Variants in TMUB1 observed in about 807,000 individuals in gnomAD.
The protein encoded by TMUB1 is transmembrane and ubiquitin-like domain-containing protein 1.
Under a neutral mutation model 16.2 loss-of-function variants are expected in TMUB1, and 9 were observed. That is an observed-to-expected ratio of 0.55 (90% CI 0.33 to 0.97). The LOEUF (loss-of-function observed/expected upper bound fraction) is 0.97, where lower values mean the gene tolerates loss of function less well. Ranked by LOEUF, TMUB1 falls within the 50% of genes least tolerant of loss-of-function variation. The probability of loss-of-function intolerance (pLI) is 0.03; values close to 1 mark genes in which losing one functional copy is unlikely to be tolerated. For missense variants in TMUB1, 309 were observed against 313.5 expected (o/e 0.99, Z 0.11); for synonymous variants, 155 against 152.2 (o/e 1.02, Z -0.13).
At position 151,082,172 on chromosome 7, in the gene TMUB1, TA is replaced by T; in HGVS notation, c.389+2del. On this transcript the variant is annotated splice_donor_variant, in intron 2 of 2. Transcript: ENST00000297533. LOFTEE classifies it high-confidence loss of function. This position sits in a 1 kb window ranked among gnomAD's most constrained non-coding sequence, Gnocchi z 7.0. ...CATTGCTCCTGCCTCTTGACCTACT[TA>T]CCTTTTCAAGGAGCCAATGGTGTCG... 2.0e-6 allele frequency: 3 copies of T among 1,505,800 alleles called. No homozygotes were observed. Among genetic ancestry groups the T allele is most frequent in the Non-Finnish European group, 2.7e-6 (3 of 1,126,424 alleles). 93.3% of individuals were successfully genotyped at this position (1,505,800 alleles called of 1,614,324 possible). A position where few individuals can be genotyped will look rare whatever the true frequency, so the allele number is the denominator to read the frequency against.
In TMUB1 at chr7:151,081,983, C is replaced by T. The variant is rs1305902043; in HGVS notation, c.390-83G>A. The T allele has an allele frequency of 9.9e-6, 14 of 1,419,156 alleles. No homozygotes were observed. The highest frequency in any genetic ancestry group is 1.2e-5 in the Non-Finnish European group (13 of 1,069,750). 87.9% of individuals were successfully genotyped at this position (1,419,156 alleles called of 1,614,324 possible). ...CCCGGAACAGCACTCCCACCCTCCC[C>T]CTGCCCTCCACAACACACCGGCCCT... On this transcript the variant is annotated intron_variant, in intron 2 of 2. Transcript: ENST00000297533. This position sits in a 1 kb window ranked among gnomAD's most constrained non-coding sequence, Gnocchi z 7.6.
rs1798029259 is a variant in TMUB1, at chr7:151,082,634, G to T, written c.-30-41C>A. The T allele has an allele frequency of 7.0e-7, 1 of 1,431,910 alleles. No individual in the cohort carries two copies. The highest frequency in any genetic ancestry group is 1.6e-5 in the South Asian group (1 of 64,000). 88.7% of individuals were successfully genotyped at this position (1,431,910 alleles called of 1,614,324 possible). On this transcript the variant is annotated intron_variant, in intron 1 of 2. Coordinates refer to ENST00000297533, the MANE Select transcript of TMUB1 (RefSeq NM_001136044.2). This position sits in a 1 kb window ranked among gnomAD's most constrained non-coding sequence, Gnocchi z 7.0. ...GAGCCCGTGAGGCCCGGGCCCCCTGGCCAGGAGCCCTGGAACCTCCACAGG... is the reference window on the plus strand; with the variant it reads ...GAGCCCGTGAGGCCCGGGCCCCCTGTCCAGGAGCCCTGGAACCTCCACAGG...
chr7:151,082,651 C>T lies in TMUB1; in HGVS notation c.-30-58G>A. The T allele has an allele frequency of 7.2e-7, 1 of 1,387,366 alleles. No homozygotes were observed. The highest frequency in any genetic ancestry group is 9.5e-7 in the Non-Finnish European group (1 of 1,054,248). 85.9% of individuals were successfully genotyped at this position (1,387,366 alleles called of 1,614,324 possible). ...GCCCCCTGGCCAGGAGCCCTGGAAC[C>T]TCCACAGGGTCCTGCCCTCACCCCA... On this transcript the variant is annotated intron_variant, in intron 1 of 2. Coordinates refer to ENST00000297533, the MANE Select transcript of TMUB1 (RefSeq NM_001136044.2). The surrounding 1 kb of genome is among the most constrained non-coding windows in gnomAD (Gnocchi z 7.0).
Position 151,082,615 on chromosome 7 carries a change from G to C in TMUB1, c.-30-22C>G. On this transcript the variant is annotated intron_variant, in intron 1 of 2. Transcript: ENST00000297533. The surrounding 1 kb of genome is among the most constrained non-coding windows in gnomAD (Gnocchi z 7.0). ...CGAGCTGGAGAGGCACAAAGAGCCC[G>C]TGAGGCCCGGGCCCCCTGGCCAGGA... 6 of 1,455,574 alleles carry C rather than the reference G, an allele frequency of 4.1e-6. No individual in the cohort carries two copies. The highest frequency in any genetic ancestry group is 5.4e-6 in the Non-Finnish European group (6 of 1,103,330). 90.2% of individuals were successfully genotyped at this position (1,455,574 alleles called of 1,614,324 possible). A position where few individuals can be genotyped will look rare whatever the true frequency, so the allele number is the denominator to read the frequency against.
rs146736140 is a variant in TMUB1 at position 151,082,277 on chromosome 7, G to C, written c.287C>G (p.Pro96Arg). ...STGFTATPPAPDSPQEPLVLR... is the reference protein window; with the variant it reads ...STGFTATPPARDSPQEPLVLR... ...CACGAGGGGCTCCTGCGGGGAGTCC[G>C]GGGCTGGCGGTGTTGCTGTGAACCC... The change falls in exon 2 of 3, where the codon CCG becomes CGG. Residue 96 changes from proline (P) to arginine (R), a missense_variant. Coordinates refer to ENST00000297533, the MANE Select transcript of TMUB1 (RefSeq NM_001136044.2). The surrounding 1 kb of genome is among the most constrained non-coding windows in gnomAD (Gnocchi z 7.0). 6.9e-6 allele frequency: 11 copies of C among 1,590,722 alleles called. No individual in the cohort carries two copies. In the African/African-American group the frequency reaches 1.1e-4, roughly 16 times the overall value.
In TMUB1 at chr7:151,082,655, A is replaced by G. The variant is rs1326786960; in HGVS notation, c.-30-62T>C. 1 of 1,367,386 alleles carries G rather than the reference A, an allele frequency of 7.3e-7. No homozygotes were observed. Among genetic ancestry groups the G allele is most frequent in the Non-Finnish European group, 9.6e-7 (1 of 1,038,800 alleles). The allele number at this position is 1,367,386 out of a possible 1,614,324, so 84.7% of individuals were successfully genotyped here. A position where few individuals can be genotyped will look rare whatever the true frequency, so the allele number is the denominator to read the frequency against. On this transcript the variant is annotated intron_variant, in intron 1 of 2. Transcript: ENST00000297533. This position sits in a 1 kb window ranked among gnomAD's most constrained non-coding sequence, Gnocchi z 7.0. ...CCTGGCCAGGAGCCCTGGAACCTCC[A>G]CAGGGTCCTGCCCTCACCCCACCGC...
At position 151,082,892 on chromosome 7, in the gene TMUB1, T is replaced by TAAACTTCACCCCAACC. The variant is rs1798038151; in HGVS notation, c.-30-315_-30-300dup. 1 of 284,826 alleles carries TAAACTTCACCCCAACC rather than the reference T, an allele frequency of 3.5e-6. No homozygotes were observed. The highest frequency in any genetic ancestry group is 5.3e-5 in the Admixed American group (1 of 18,984). 17.6% of individuals were successfully genotyped at this position (284,826 alleles called of 1,614,324 possible). On this transcript the variant is annotated intron_variant, in intron 1 of 2. Coordinates refer to ENST00000297533, the MANE Select transcript of TMUB1 (RefSeq NM_001136044.2). This position sits in a 1 kb window ranked among gnomAD's most constrained non-coding sequence, Gnocchi z 7.0. ...GTAAGGGCCTAAGCAACGCCTCTCC[T>TAAACTTCACCCCAACC]AAACTTCACCCCAACCAAACTTCAC...
In TMUB1 at chr7:151,082,155, C is replaced by G. The variant is rs1196828801; in HGVS notation, c.389+20G>C. Reference sequence around the variant, plus strand: ...CCAACCCCTGTCTTTAGCATTGCTCCTGCCTCTTGACCTACTTACCTTTTC... The same window carrying G: ...CCAACCCCTGTCTTTAGCATTGCTCGTGCCTCTTGACCTACTTACCTTTTC... On this transcript the variant is annotated intron_variant, in intron 2 of 2. Coordinates refer to ENST00000297533, the MANE Select transcript of TMUB1 (RefSeq NM_001136044.2). The surrounding 1 kb of genome is among the most constrained non-coding windows in gnomAD (Gnocchi z 7.0). 2.0e-6 allele frequency: 3 copies of G among 1,500,866 alleles called. No individual in the cohort carries two copies. The African/African-American group carries it at 4.2e-5, about 21-fold the overall frequency. The allele number at this position is 1,500,866 out of a possible 1,614,324, so 93.0% of individuals were successfully genotyped here. A position where few individuals can be genotyped will look rare whatever the true frequency, so the allele number is the denominator to read the frequency against.
Position 151,082,389 on chromosome 7 carries a change from T to G in TMUB1, c.175A>C (p.Thr59Pro), listed in dbSNP as rs763286701. The change falls in exon 2 of 3, where the codon ACC becomes CCC. Residue 59 changes from threonine to proline, a missense_variant. Transcript: ENST00000297533. The surrounding 1 kb of genome is among the most constrained non-coding windows in gnomAD (Gnocchi z 7.0). ...PSQPSAAMAA[T>P]DSMRGEAPGA... is the part of the protein sequence containing the mutation. ...GGGGCCTCCCCTCTCATGCTGTCGG[T>G]AGCTGCCATGGCTGCGCTGGGCTGG... The G allele has an allele frequency of 1.2e-5, 19 of 1,603,188 alleles. No individual in the cohort carries two copies. Among genetic ancestry groups the G allele is most frequent in the African/African-American group, 5.4e-5 (4 of 74,480 alleles).
rs1404511469 is a variant in TMUB1 at position 151,081,722 on chromosome 7, G to A, written c.568C>T (p.Pro190Ser). ...AGGCTGCCGATTTCCAGCCCGGAGG[G>A]GCCGGGCTCGGACCCCGGCGGGCAG... ...PPCPPGSEPGPSGLEIGSLLL... is the reference protein window; with the variant it reads ...PPCPPGSEPGSSGLEIGSLLL... Residue 190 changes from proline to serine, a missense_variant, in exon 3 of 3, where the codon CCC (proline) becomes TCC (serine). Pro to Ser is a moderately conservative substitution (Grantham distance 74, BLOSUM62 -1). Transcript: ENST00000297533. The surrounding 1 kb of genome is among the most constrained non-coding windows in gnomAD (Gnocchi z 7.6). The A allele has an allele frequency of 1.9e-6, 3 of 1,583,302 alleles. No individual in the cohort carries two copies. Among genetic ancestry groups the A allele is most frequent in the South Asian group, 1.1e-5 (1 of 87,282 alleles).
rs1797988900 is a variant in TMUB1 at position 151,081,617 on chromosome 7, C to T, written c.673G>A (p.Ala225Thr). The T allele has an allele frequency of 1.2e-6, 2 of 1,605,272 alleles. No individual in the cohort carries two copies. The highest frequency in any genetic ancestry group is 1.1e-5 in the South Asian group (1 of 89,980). ...GTGAAGCCGGCCAGGCCCAGAGTGGCGGTCAGGGGAAAGAAGGGCCGGTAC... is the reference window on the plus strand; with the variant it reads ...GTGAAGCCGGCCAGGCCCAGAGTGGTGGTCAGGGGAAAGAAGGGCCGGTAC... ...IQYRPFFPLTATLGLAGFTLL... is the reference protein window; with the variant it reads ...IQYRPFFPLTTTLGLAGFTLL... Residue 225 changes from alanine (A) to threonine (T), a missense_variant, in exon 3 of 3, where the codon GCC becomes ACC. Transcript: ENST00000297533. The surrounding 1 kb of genome is among the most constrained non-coding windows in gnomAD (Gnocchi z 7.6).
Position 151,082,037 on chromosome 7 carries a change from A to T in TMUB1, c.390-137T>A. On this transcript the variant is annotated intron_variant, in intron 2 of 2. Transcript: ENST00000297533. The surrounding 1 kb of genome is among the most constrained non-coding windows in gnomAD (Gnocchi z 7.0). ...CTGGGAGGGGCCGTCTGCCAGGGGA[A>T]CAAGTACAGTTGTGATCTGGGGCGC... 1 of 1,404,750 alleles carries T rather than the reference A, an allele frequency of 7.1e-7. No individual in the cohort carries two copies. Among genetic ancestry groups the T allele is most frequent in the Non-Finnish European group, 9.5e-7 (1 of 1,057,008 alleles). The allele number at this position is 1,404,750 out of a possible 1,614,324, so 87.0% of individuals were successfully genotyped here.
chr7:151,082,710 C>A lies in TMUB1; in HGVS notation c.-30-117G>T. ...CTCCCACCGTCCTCAGCCTCCGTCCCCTCACCCACCCCAGGGTACCGGCTT... is the reference window on the plus strand; with the variant it reads ...CTCCCACCGTCCTCAGCCTCCGTCCACTCACCCACCCCAGGGTACCGGCTT... On this transcript the variant is annotated intron_variant, in intron 1 of 2. Transcript: ENST00000297533. The surrounding 1 kb of genome is among the most constrained non-coding windows in gnomAD (Gnocchi z 7.0). 1 of 808,850 alleles carries A rather than the reference C, an allele frequency of 1.2e-6. No homozygotes were observed. Among genetic ancestry groups the A allele is most frequent in the Non-Finnish European group, 1.7e-6 (1 of 588,976 alleles). 50.1% of individuals were successfully genotyped at this position (808,850 alleles called of 1,614,324 possible).
rs766784260 is a variant in TMUB1, at chr7:151,082,425, G to C, written c.139C>G (p.Pro47Ala). 206 of 1,609,128 alleles carry C rather than the reference G, an allele frequency of 1.3e-4. No individual in the cohort carries two copies. In the Admixed American group the frequency reaches 3.4e-3, roughly 26 times the overall value. Residue 47 changes from proline (P) to alanine (A), a missense_variant, in exon 2 of 3, where the codon CCA becomes GCA. By Grantham distance (27) the Pro-to-Ala change is conservative (BLOSUM62 -1). Coordinates refer to ENST00000297533, the MANE Select transcript of TMUB1 (RefSeq NM_001136044.2). The surrounding 1 kb of genome is among the most constrained non-coding windows in gnomAD (Gnocchi z 7.0). The stretch of plus-strand genomic sequence containing the variant: ...GCTGCGCTGGGCTGGGATGGCGTTG[G>C]GGTCCCTGACGGCTGGGGCAGTGGG... Reference protein sequence around the residue: ...GDPLPQPSGTPTPSQPSAAMA... With the variant: ...GDPLPQPSGTATPSQPSAAMA...
chr7:151,082,046 G>A lies in TMUB1; in HGVS notation c.389+129C>T, dbSNP rs1798006604. 5 of 1,414,834 alleles carry A rather than the reference G, an allele frequency of 3.5e-6. No individual in the cohort carries two copies. In the African/African-American group the frequency reaches 5.7e-5, roughly 16 times the overall value. 87.6% of individuals were successfully genotyped at this position (1,414,834 alleles called of 1,614,324 possible). A position where few individuals can be genotyped will look rare whatever the true frequency, so the allele number is the denominator to read the frequency against. On this transcript the variant is annotated intron_variant, in intron 2 of 2. Coordinates refer to ENST00000297533, the MANE Select transcript of TMUB1 (RefSeq NM_001136044.2). This position sits in a 1 kb window ranked among gnomAD's most constrained non-coding sequence, Gnocchi z 7.0. Reference sequence around the variant, plus strand: ...GCCGTCTGCCAGGGGAACAAGTACAGTTGTGATCTGGGGCGCTCAGCGCCT... The same window carrying A: ...GCCGTCTGCCAGGGGAACAAGTACAATTGTGATCTGGGGCGCTCAGCGCCT...
Position 151,081,510 on chromosome 7 carries a change from C to A in TMUB1, c.*39G>T. Reference sequence around the variant, plus strand: ...CCGCCGCGGCGCGGGGAGCAAGGTCCGGAGGGGCCGGCGACGCTGCCAAGC... The same window carrying A: ...CCGCCGCGGCGCGGGGAGCAAGGTCAGGAGGGGCCGGCGACGCTGCCAAGC... On this transcript the variant is annotated 3_prime_UTR_variant, in exon 3 of 3. Coordinates refer to ENST00000297533, the MANE Select transcript of TMUB1 (RefSeq NM_001136044.2). The surrounding 1 kb of genome is among the most constrained non-coding windows in gnomAD (Gnocchi z 7.6). The A allele has an allele frequency of 6.7e-6, 10 of 1,500,448 alleles. No homozygotes were observed. Among genetic ancestry groups the A allele is most frequent in the Non-Finnish European group, 8.9e-6 (10 of 1,121,800 alleles). The allele number at this position is 1,500,448 out of a possible 1,614,324, so 92.9% of individuals were successfully genotyped here.
Position 151,083,368 on chromosome 7 carries a change from C to A in TMUB1, c.-31+66G>T, listed in dbSNP as rs1051953151. On this transcript the variant is annotated intron_variant, in intron 1 of 2. Coordinates refer to ENST00000297533, the MANE Select transcript of TMUB1 (RefSeq NM_001136044.2). This position sits in a 1 kb window ranked among gnomAD's most constrained non-coding sequence, Gnocchi z 5.9. Reference sequence around the variant, plus strand: ...CGCCCCCCGAAGCCGCAGGAGGGCACGGCGATCCCGGCCCGACCGGGGCCC... The same window carrying A: ...CGCCCCCCGAAGCCGCAGGAGGGCAAGGCGATCCCGGCCCGACCGGGGCCC... 1 of 152,096 alleles carries A rather than the reference C, an allele frequency of 6.6e-6. No individual in the cohort carries two copies. The highest frequency in any genetic ancestry group is 6.5e-5 in the Admixed American group (1 of 15,282). 9.4% of individuals were successfully genotyped at this position (152,096 alleles called of 1,614,324 possible).
rs767447826 is a variant in TMUB1, at chr7:151,082,130, C to A, written c.389+45G>T. 2.0e-6 allele frequency: 3 copies of A among 1,494,746 alleles called. No homozygotes were observed. The highest frequency in any genetic ancestry group is 4.8e-5 in the Admixed American group (2 of 41,864). The allele number at this position is 1,494,746 out of a possible 1,614,324, so 92.6% of individuals were successfully genotyped here. ...CTGGGGGCCTTCTGCGACCACTCTC[C>A]CAACCCCTGTCTTTAGCATTGCTCC... On this transcript the variant is annotated intron_variant, in intron 2 of 2. Transcript: ENST00000297533. This position sits in a 1 kb window ranked among gnomAD's most constrained non-coding sequence, Gnocchi z 7.0.
In TMUB1 at chr7:151,082,642, C is replaced by A. The variant is rs1798029411; in HGVS notation, c.-30-49G>T. On this transcript the variant is annotated intron_variant, in intron 1 of 2. Coordinates refer to ENST00000297533, the MANE Select transcript of TMUB1 (RefSeq NM_001136044.2). This position sits in a 1 kb window ranked among gnomAD's most constrained non-coding sequence, Gnocchi z 7.0. ...GAGGCCCGGGCCCCCTGGCCAGGAG[C>A]CCTGGAACCTCCACAGGGTCCTGCC... 1.4e-6 allele frequency: 2 copies of A among 1,416,200 alleles called. No homozygotes were observed. The highest frequency in any genetic ancestry group is 1.9e-6 in the Non-Finnish European group (2 of 1,077,898). The allele number at this position is 1,416,200 out of a possible 1,614,324, so 87.7% of individuals were successfully genotyped here. A position where few individuals can be genotyped will look rare whatever the true frequency, so the allele number is the denominator to read the frequency against.
Sources: allele counts gnomAD v4.1 joint callset, GRCh38; gene constraint gnomAD v4.1.1; non-coding constraint Gnocchi (gnomAD v3.1); transcripts MANE v1.5; gene names NCBI Gene and HGNC (gene_info 2026-07-23, HGNC 2026-07-21).